The following FAM98A variants were observed in gnomAD, a reference collection of about 807,000 sequenced individuals.
FAM98A encodes the protein protein FAM98A.
In FAM98A, 25 loss-of-function variants were observed where a neutral mutation model predicts 62.9. That is an observed-to-expected ratio of 0.40 (90% confidence interval 0.29 to 0.56). The LOEUF (loss-of-function observed/expected upper bound fraction) is 0.56, where lower values mean the gene tolerates loss of function less well. FAM98A is among the 20% of genes least tolerant of loss of function. FAM98A has a pLI of 0.51. For synonymous variants in FAM98A, 252 were observed against 228.6 expected, an observed-to-expected ratio of 1.10 and a Z score of -0.92; for missense variants, 653 against 640.7, an observed-to-expected ratio of 1.02 and a Z score of -0.21.
intron 1 of FAM98A, among the ~76,000 whole-genome samples, chr2:33,597,870 C>T (rs1677849149): frequency 6.6e-6 from 1 of 152,168 alleles, no homozygotes; most frequent in Non-Finnish European, 1.5e-5. Context: ...AAGGGCCTAA[C>T]ACTGCCACAA....
chr2:33,592,837 T>C (rs1677704120), intron 2 of FAM98A, among the ~76,000 whole-genome samples: 1 of 152,230 alleles, frequency 6.6e-6, no homozygotes, highest in Admixed American at 6.5e-5. Context: ...TATAATCACC[T>C]ACATTCCCTC....
At position 33,586,673 on chromosome 2, in the gene FAM98A, CT is replaced by C; in HGVS notation, c.608del (p.Lys203ArgfsTer2). The C allele has an allele frequency of 6.2e-7, 1 of 1,604,734 alleles. No homozygotes were observed. ...CTATGGCTTGGTTAATTGCTTCTAT[CT>C]TTTCCTGAAGCAAAATTAAAAAGAC... Reference protein sequence around the residue: ...KKPMGPAHWEKIEAINQAIAN... With the variant: ...KKPMGPAHWEXIEAINQAIAN... On this transcript the variant is annotated frameshift_variant, in exon 6 of 8. Coordinates refer to ENST00000238823, the MANE Select transcript of FAM98A (RefSeq NM_015475.5). LOFTEE classifies it high-confidence loss of function.
rs953078667 is a variant in FAM98A, at chr2:33,585,601, G to C, written c.817C>G (p.Gln273Glu). Residue 273 changes from glutamine to glutamate, a missense_variant, in exon 7 of 8, where the codon CAG becomes GAG. Transcript: ENST00000238823. ...GTCCTTAAAATCTTTGACAAGTCCT[G>C]CCTTGCAGCCAAAAGATGGGCAACA... ...ISVAHLLAAR[Q>E]DLSKILRTSS... is the part of the protein sequence containing the mutation. The C allele has an allele frequency of 3.1e-6, 5 of 1,614,118 alleles. No individual in the cohort carries two copies. The highest frequency in any genetic ancestry group is 3.4e-6 in the Non-Finnish European group (4 of 1,180,034).
chr2:33,595,503 A>G lies in FAM98A; in HGVS notation c.188T>C (p.Val63Ala). The stretch of plus-strand genomic sequence containing the variant: ...TGTTTACTTACTGTTAGTTGCTTGC[A>G]CGTTTTCCTCTAGTTTACAGAGCAC... ...LRVLCKLEENVQATNSPSEAE... is the reference protein window; with the variant it reads ...LRVLCKLEENAQATNSPSEAE... Residue 63 changes from valine to alanine, a missense_variant, in exon 2 of 8, where the codon GTG becomes GCG. Physicochemically the swap from Val to Ala is moderately conservative, Grantham distance 64. Coordinates refer to ENST00000238823, the MANE Select transcript of FAM98A (RefSeq NM_015475.5). 6.2e-7 allele frequency: 1 copy of G among 1,605,172 alleles called. No homozygotes were observed. The highest frequency in any genetic ancestry group is 8.5e-7 in the Non-Finnish European group (1 of 1,176,834).
intron 4 of FAM98A, chr2:33,588,095 A>G (rs1359168567): frequency 1.4e-5 from 7 of 508,336 alleles, no homozygotes; most frequent in Middle Eastern, 3.1e-4. Context: ...TAGCTTACAA[A>G]CCAGTGTAAA....
At chr2:33,588,549 G>C in intron 3 of FAM98A, 30 bp from the exon 4 acceptor site, 3 of 1,580,330 alleles carry the variant, frequency 1.9e-6, no homozygotes, top group Non-Finnish European at 2.6e-6. Flanking sequence ...ATTTCAAAAT[G>C]AGATACAGCT....
intron 2 of FAM98A, among the ~76,000 whole-genome samples, chr2:33,592,520 C>T (rs1677694788): frequency 6.6e-6 from 1 of 152,104 alleles, no homozygotes; most frequent in Non-Finnish European, 1.5e-5. Context: ...TGTATGCTAC[C>T]ATGCCTGGCT....
chr2:33,596,100 C>T (rs1677805491), intron 1 of FAM98A, among the ~76,000 whole-genome samples: 1 of 152,176 alleles, frequency 6.6e-6, no homozygotes, highest in African/African-American at 2.4e-5. Context: ...TGAGGTCTTG[C>T]ACTGTCACAT....
In FAM98A at chr2:33,585,603, C is replaced by T. The variant is rs757174846; in HGVS notation, c.815G>A (p.Arg272Lys). 5.0e-6 allele frequency: 8 copies of T among 1,614,004 alleles called. No homozygotes were observed. In the Admixed American group the frequency reaches 1.2e-4, roughly 24 times the overall value. ...CCTTAAAATCTTTGACAAGTCCTGC[C>T]TTGCAGCCAAAAGATGGGCAACAGA... ...TISVAHLLAARQDLSKILRTS... is the reference protein window; with the variant it reads ...TISVAHLLAAKQDLSKILRTS... Residue 272 changes from arginine to lysine, a missense_variant, in exon 7 of 8, where the codon AGG becomes AAG. Physicochemically the swap from Arg to Lys is conservative, Grantham distance 26 (BLOSUM62 2). Coordinates refer to ENST00000238823, the MANE Select transcript of FAM98A (RefSeq NM_015475.5).
At chr2:33,598,653 G>A (rs2151148931) in intron 1 of FAM98A, among the ~76,000 whole-genome samples, 1 of 152,264 alleles carries the variant, frequency 6.6e-6, no homozygotes, top group Non-Finnish European at 1.5e-5. Context: ...CGGAACAGAT[G>A]CAGCGCCCAT....
At position 33,584,113 on chromosome 2, in the gene FAM98A, C is replaced by T. The variant is rs1466599661; in HGVS notation, c.*663G>A. 12 of 152,660 alleles carry T rather than the reference C, an allele frequency of 7.9e-5. No individual in the cohort carries two copies. Among genetic ancestry groups the T allele is most frequent in the Non-Finnish European group, 1.5e-4 (10 of 68,060 alleles). The allele number at this position is 152,660 out of a possible 1,614,324, so 9.5% of individuals were successfully genotyped here. A position where few individuals can be genotyped will look rare whatever the true frequency, so the allele number is the denominator to read the frequency against. On this transcript the variant is annotated 3_prime_UTR_variant, in exon 8 of 8. Coordinates refer to ENST00000238823, the MANE Select transcript of FAM98A (RefSeq NM_015475.5). ...GCCTACATGTACTATAGCTTCACAA[C>T]TTAGTTTGCTTTTATAATCTTTATG...
rs145203305 is a variant in FAM98A, at chr2:33,583,948, G to C, written c.*828C>G. 4 of 152,752 alleles carry C rather than the reference G, an allele frequency of 2.6e-5. No individual in the cohort carries two copies. The highest frequency in any genetic ancestry group is 2.4e-5 in the African/African-American group (1 of 41,566). The allele number at this position is 152,752 out of a possible 1,614,324, so 9.5% of individuals were successfully genotyped here. A position where few individuals can be genotyped will look rare whatever the true frequency, so the allele number is the denominator to read the frequency against. On this transcript the variant is annotated 3_prime_UTR_variant, in exon 8 of 8. Coordinates refer to ENST00000238823, the MANE Select transcript of FAM98A (RefSeq NM_015475.5). ...TAAAGCAAACTAACTTGTATTTGCT[G>C]AGCCAGTGGTATTAACTCATGCATA...
chr2:33,586,886 T>C (rs1677569585), intron 5 of FAM98A: 1 of 552,520 alleles, frequency 1.8e-6, no homozygotes, highest in East Asian at 2.9e-5. Flanking sequence ...GTATGTGAAG[T>C]ACACAATTCT....
At chr2:33,598,407 G>A (rs938857803) in intron 1 of FAM98A, among the ~76,000 whole-genome samples, 1 of 152,186 alleles carries the variant, frequency 6.6e-6, no homozygotes, top group Non-Finnish European at 1.5e-5. Flanking sequence ...ACTGATCTGG[G>A]TGACCCAGTG....
In FAM98A at chr2:33,586,595, A is replaced by T. The variant is rs370765954; in HGVS notation, c.687T>A (p.Thr229=). ...TGTCAGACCAGCCAAAGGATTGTAC[A>T]GTGACATCCAAACGTTTTATTAGCA... is the stretch of plus-strand genomic sequence containing the variant. ...RKLLIKRLDV[T]VQSFGWSDRA... Residue 229 remains threonine, a synonymous_variant, in exon 6 of 8, where the codon ACT becomes ACA. Transcript: ENST00000238823. 1.9e-6 allele frequency: 3 copies of T among 1,612,600 alleles called. No homozygotes were observed. Among genetic ancestry groups the T allele is most frequent in the African/African-American group, 2.7e-5 (2 of 74,914 alleles).
Position 33,585,436 on chromosome 2 carries a change from C to T in FAM98A, c.897G>A (p.Met299Ile). 6.2e-7 allele frequency: 1 copy of T among 1,614,076 alleles called. No homozygotes were observed. Among genetic ancestry groups the T allele is most frequent in the Non-Finnish European group, 8.5e-7 (1 of 1,179,988 alleles). The change falls in exon 8 of 8, where the codon ATG becomes ATA. Residue 299 changes from methionine (M) to isoleucine (I), a missense_variant. Coordinates refer to ENST00000238823, the MANE Select transcript of FAM98A (RefSeq NM_015475.5). ...KTACAINKVLMGRVPDRGGRP... is the reference protein window; with the variant it reads ...KTACAINKVLIGRVPDRGGRP... ...TACCACCTCTGTCAGGCACCCTGCC[C>T]ATCAACACCTACAGAATAGGAAAGA...
chr2:33,587,359 A>C (rs1677578616), intron 4 of FAM98A, 39 bp from the exon 5 acceptor site: 1 of 1,413,872 alleles, frequency 7.1e-7, no homozygotes, highest in Non-Finnish European at 1.0e-6. Context: ...AAAACTCTAA[A>C]AGTAAAACAT....
In FAM98A at chr2:33,585,086, C is replaced by T. The variant is rs1677508039; in HGVS notation, c.1247G>A (p.Gly416Asp). 1.2e-6 allele frequency: 2 copies of T among 1,614,192 alleles called. No individual in the cohort carries two copies. Among genetic ancestry groups the T allele is most frequent in the Non-Finnish European group, 1.7e-6 (2 of 1,180,032 alleles). The change falls in exon 8 of 8, where the codon GGT (glycine) becomes GAT (aspartate). Residue 416 changes from glycine (G) to aspartate (D), a missense_variant. Coordinates refer to ENST00000238823, the MANE Select transcript of FAM98A (RefSeq NM_015475.5). Reference protein sequence around the residue: ...PGGYHGGHSSGGYQGGGYGGF... With the variant: ...PGGYHGGHSSDGYQGGGYGGF... ...ACCATAACCTCCGCCTTGATAGCCA[C>T]CACTGCTGTGGCCACCATGATAGCC... is the stretch of plus-strand genomic sequence containing the variant.
chr2:33,598,092 C>T (rs1444223611), intron 1 of FAM98A, among the ~76,000 whole-genome samples: 1 of 152,202 alleles, frequency 6.6e-6, no homozygotes, highest in Non-Finnish European at 1.5e-5. Flanking sequence ...GTGACAAAGA[C>T]AGATGATAAG....
Sources: gnomAD v4.1 joint callset for allele counts (sites outside exome capture counted in the v4.1 genomes callset) on GRCh38, gnomAD v4.1.1 for gene constraint, MANE v1.5 for transcripts, NCBI Gene and HGNC (gene_info 2026-07-23, HGNC 2026-07-21) for gene names.